The following SLC26A7 variants were observed in gnomAD, a reference collection of about 807,000 sequenced individuals.
SLC26A7 encodes the protein anion exchange transporter.
In SLC26A7, 59 loss-of-function variants were observed where a neutral mutation model predicts 82.5. The observed-to-expected ratio is 0.72, with a 90% confidence interval of 0.58 to 0.89. SLC26A7 has a LOEUF of 0.89. Ranked by LOEUF, SLC26A7 falls within the 40% of genes least tolerant of loss-of-function variation. SLC26A7 has a pLI of 0.00. For synonymous variants in SLC26A7, 271 were observed against 274.3 expected (o/e 0.99, Z 0.12); for missense variants, 820 against 793.0 (o/e 1.03, Z -0.41).
At chr8:91,221,808 G>A (rs952565251) in intron 2 of SLC26A7, among the ~76,000 whole-genome samples, 17 of 152,186 alleles carry the variant, frequency 1.1e-4, no homozygotes, top group African/African-American at 3.6e-4. Flanking sequence ...GTAGCATGAT[G>A]CCTGTAGCTT....
At chr8:91,223,909 T>C (rs1810198683) in intron 2 of SLC26A7, among the ~76,000 whole-genome samples, 2 of 151,962 alleles carry the variant, frequency 1.3e-5, no homozygotes, top group Non-Finnish European at 2.9e-5. Flanking sequence ...TGCCTGCATG[T>C]CTTATTTCAG....
intron 11 of SLC26A7, among the ~76,000 whole-genome samples, chr8:91,358,769 A>G: frequency 6.6e-6 from 1 of 152,210 alleles, no homozygotes; most frequent in Non-Finnish European, 1.5e-5. Context: ...TGATGAGTTC[A>G]TGTCCTTTGT....
chr8:91,341,001 T>A (rs1052056281), intron 8 of SLC26A7, among the ~76,000 whole-genome samples: 2 of 146,436 alleles, frequency 1.4e-5, no homozygotes, highest in African/African-American at 2.5e-5. Flanking sequence ...TTTTTTTTTT[T>A]ATACTTTTAA....
chr8:91,311,243 T>C (rs1377782978), intron 4 of SLC26A7, among the ~76,000 whole-genome samples: 11 of 152,180 alleles, frequency 7.2e-5, no homozygotes. Flanking sequence ...GGTTGTTGCA[T>C]CCATTTAGCC....
intron 5 of SLC26A7, among the ~76,000 whole-genome samples, chr8:91,332,817 A>G (rs963191198): frequency 2.6e-5 from 4 of 151,778 alleles, no homozygotes; most frequent in African/African-American, 7.3e-5. Context: ...GAGCCACCAC[A>G]CCCAGCTTTT....
intron 1 of SLC26A7, chr8:91,209,675 A>G (rs1015569276): frequency 7.2e-5 from 11 of 152,180 alleles, no homozygotes; most frequent in African/African-American, 2.7e-4. Context: ...TCTGTCTTGT[A>G]CACCAATTCA....
At chr8:91,278,782 A>G (rs1021915273) in intron 2 of SLC26A7, among the ~76,000 whole-genome samples, 8 of 151,946 alleles carry the variant, frequency 5.3e-5, no homozygotes, top group African/African-American at 1.9e-4. Context: ...TCTCTTAGCA[A>G]TTTTCAAGTA....
At chr8:91,368,359 G>A (rs569394402) in intron 14 of SLC26A7, among the ~76,000 whole-genome samples, 1 of 151,974 alleles carries the variant, frequency 6.6e-6, no homozygotes, top group African/African-American at 2.4e-5. Flanking sequence ...CTTAAGGGTC[G>A]AATATCTACA....
At chr8:91,344,996 G>T (rs1813522331) in intron 9 of SLC26A7, among the ~76,000 whole-genome samples, 1 of 150,448 alleles carries the variant, frequency 6.6e-6, no homozygotes, top group Non-Finnish European at 1.5e-5. Context: ...AGGCTGGAGT[G>T]CAGTGGCACC....
intron 16 of SLC26A7, among the ~76,000 whole-genome samples, chr8:91,392,148 T>C (rs914726876): frequency 6.6e-6 from 1 of 152,220 alleles, no homozygotes; most frequent in Non-Finnish European, 1.5e-5. Flanking sequence ...GACATTCCCT[T>C]AGCCAGGTGT....
chr8:91,272,713 A>G (rs985749006), intron 2 of SLC26A7, among the ~76,000 whole-genome samples: 1 of 152,236 alleles, frequency 6.6e-6, no homozygotes, highest in African/African-American at 2.4e-5. Context: ...AGTCTAGGTC[A>G]TAAAAGGCTT....
chr8:91,265,662 C>T (rs1238851429), intron 2 of SLC26A7, among the ~76,000 whole-genome samples: 2 of 151,978 alleles, frequency 1.3e-5, no homozygotes, highest in Non-Finnish European at 2.9e-5. Flanking sequence ...AGCATTTTGT[C>T]ATATACCTGC....
intron 6 of SLC26A7, 49 bp downstream of exon 6, chr8:91,334,496 T>C: frequency 1.3e-6 from 2 of 1,534,556 alleles, no homozygotes; most frequent in Non-Finnish European, 1.8e-6. Flanking sequence ...AGCTTTCCAG[T>C]TCTTGGGGAG....
intron 7 of SLC26A7, among the ~76,000 whole-genome samples, chr8:91,339,237 T>C (rs1028296923): frequency 6.6e-5 from 10 of 152,198 alleles, no homozygotes; most frequent in Admixed American, 4.6e-4. Flanking sequence ...CCTGTAATGA[T>C]ACAAATCAAT....
intron 2 of SLC26A7, among the ~76,000 whole-genome samples, chr8:91,258,604 C>A (rs1428587705): frequency 6.6e-6 from 1 of 151,994 alleles, no homozygotes. Context: ...TTAAAGTGTG[C>A]CATAAACTGT....
chr8:91,220,204 A>G (rs556878361), intron 2 of SLC26A7, among the ~76,000 whole-genome samples: 2 of 152,120 alleles, frequency 1.3e-5, no homozygotes, highest in Non-Finnish European at 2.9e-5. Flanking sequence ...TTAACCAAGA[A>G]TGCATTTTAA....
upstream of SLC26A7, among the ~76,000 whole-genome samples, chr8:91,246,503 A>C (rs572473587): frequency 1.3e-5 from 2 of 152,302 alleles, no homozygotes; most frequent in East Asian, 1.9e-4. Flanking sequence ...AGAGGTAAAC[A>C]TTGAGTAAAT....
In SLC26A7 at chr8:91,309,620, A is replaced by G. The variant is rs113787515; in HGVS notation, c.478-8596A>G. The stretch of plus-strand genomic sequence containing the variant: ...CCTTCTCAGAAGAAATAATTCAACT[A>G]AGGTGCATAAGGCAGAAGGAGAGAC... On this transcript the variant is annotated intron_variant, in intron 4 of 18. Transcript: ENST00000276609. 1.5e-3 allele frequency among the ~76,000 whole-genome samples: 222 copies of G among 152,172 alleles called. 2 individuals carry two copies. The highest frequency in any genetic ancestry group is 5.3e-3 in the African/African-American group (219 of 41,538).
intron 11 of SLC26A7, among the ~76,000 whole-genome samples, chr8:91,354,056 A>G (rs1048554786): frequency 2.0e-5 from 3 of 152,114 alleles, no homozygotes; most frequent in African/African-American, 7.2e-5. Context: ...TGAGACTTGA[A>G]GGAACAGTAT....
Sources: gnomAD v4.1 joint callset for allele counts (sites outside exome capture counted in the v4.1 genomes callset) on GRCh38, gnomAD v4.1.1 for gene constraint, MANE v1.5 for transcripts, NCBI Gene and HGNC (gene_info 2026-07-23, HGNC 2026-07-21) for gene names.